The following TMCO4 variants were observed in gnomAD, a reference collection of about 807,000 sequenced individuals.
The protein encoded by TMCO4 is transmembrane and coiled-coil domain-containing protein 4.
In TMCO4, 58 loss-of-function variants were observed where a neutral mutation model predicts 64.7. The ratio of observed to expected loss-of-function variants is 0.90; its 90% CI spans 0.73 to 1.12. TMCO4 has a LOEUF of 1.12. Among genes scored for constraint, TMCO4 ranks in the 50% most tolerant of loss-of-function variants. The pLI is 0.00. For missense variants in TMCO4, 780 were observed against 825.9 expected, an observed-to-expected ratio of 0.94 and a Z score of 0.68; for synonymous variants, 325 against 346.1, an observed-to-expected ratio of 0.94 and a Z score of 0.68.
intron 3 of TMCO4, among the ~76,000 whole-genome samples, chr1:19,785,145 A>T (rs900501201): frequency 4.6e-5 from 7 of 150,962 alleles, no homozygotes. Context: ...TTCCCTGACC[A>T]TCACATCATC....
intron 14 of TMCO4, among the ~76,000 whole-genome samples, chr1:19,700,556 A>G (rs10917520): frequency 6.6e-6 from 1 of 151,812 alleles, no homozygotes; most frequent in Non-Finnish European, 1.5e-5. Context: ...CTCAGAATCC[A>G]CCCTTCTGTC....
Position 19,725,203 on chromosome 1 carries a change from G to A in TMCO4, c.1264+12169C>T, listed in dbSNP as rs535004512. Among the ~76,000 whole-genome samples the A allele has an allele frequency of 2.1e-4, 32 of 152,316 alleles. 1 individual carries two copies. The South Asian group carries it at 3.9e-3, about 19-fold the overall frequency. ...TAGGGCCCAGAGTGAAGCAGGTCCT[G>A]CAGCCTCTATGGTGCTGAATGAAGA... On this transcript the variant is annotated intron_variant, in intron 13 of 15. Coordinates refer to ENST00000294543, the MANE Select transcript of TMCO4 (RefSeq NM_181719.7).
intron 10 of TMCO4, among the ~76,000 whole-genome samples, chr1:19,741,576 C>A (rs779943896): frequency 6.6e-6 from 1 of 152,096 alleles, no homozygotes; most frequent in African/African-American, 2.4e-5. Context: ...ACCACTGTAG[C>A]GGCCGATGCC....
chr1:19,719,505 A>G (rs915982804), intron 13 of TMCO4, among the ~76,000 whole-genome samples: 1 of 152,162 alleles, frequency 6.6e-6, no homozygotes, highest in African/African-American at 2.4e-5. Context: ...ATTACTTGTG[A>G]GCCATTCTGC....
chr1:19,739,933 G>A lies in TMCO4; in HGVS notation c.1070C>T (p.Ala357Val). Residue 357 changes from alanine to valine, a missense_variant, in exon 12 of 16, where the codon GCC (alanine) becomes GTC (valine). Physicochemically the swap from Ala to Val is moderately conservative, Grantham distance 64. Coordinates refer to ENST00000294543, the MANE Select transcript of TMCO4 (RefSeq NM_181719.7). ...SGIVAALTWPASLLSVANVID... is the reference protein window; with the variant it reads ...SGIVAALTWPVSLLSVANVID... ...GACATTGGCGACACTGAGGAGTGAG[G>A]CTGGCCAGGTCAGGGCAGCCACAAT... 4.3e-6 allele frequency: 7 copies of A among 1,613,814 alleles called. No homozygotes were observed. The highest frequency in any genetic ancestry group is 5.9e-6 in the Non-Finnish European group (7 of 1,179,896).
At chr1:19,779,736 T>C (rs553219843) in intron 4 of TMCO4, among the ~76,000 whole-genome samples, 1 of 152,228 alleles carries the variant, frequency 6.6e-6, no homozygotes, top group Non-Finnish European at 1.5e-5. Flanking sequence ...CAGGGCCATG[T>C]GCTACACCCA....
chr1:19,699,486 CAT>C (rs10587817), intron 14 of TMCO4, among the ~76,000 whole-genome samples: 13,897 of 136,156 alleles, frequency 0.1, 705 homozygotes, highest in East Asian at 0.19. Flanking sequence ...TTTTCATATA[CAT>C]ATATATATAT....
chr1:19,745,722 T>G, intron 9 of TMCO4, 71 bp from the exon 10 acceptor site: 1 of 1,537,218 alleles, frequency 6.5e-7, no homozygotes, highest in Non-Finnish European at 8.8e-7. Flanking sequence ...TGGCTGTATG[T>G]TCTCACACAT....
chr1:19,737,265 A>G, intron 13 of TMCO4, 107 bp downstream of exon 13: 1 of 1,105,578 alleles, frequency 9.0e-7, no homozygotes, highest in Non-Finnish European at 1.3e-6. Flanking sequence ...ATTATTTCTA[A>G]GAACTGGGAA....
intron 14 of TMCO4, among the ~76,000 whole-genome samples, chr1:19,699,433 C>T (rs1430659513): frequency 6.6e-6 from 1 of 150,566 alleles, no homozygotes; most frequent in Admixed American, 6.7e-5. Context: ...AAGATTTTAA[C>T]CTAGGACTGT....
At position 19,734,601 on chromosome 1, in the gene TMCO4, C is replaced by T. The variant is rs1290007109; in HGVS notation, c.1264+2771G>A. 6.6e-6 allele frequency among the ~76,000 whole-genome samples: 1 copy of T among 152,136 alleles called. No homozygotes were observed. Among genetic ancestry groups the T allele is most frequent in the Non-Finnish European group, 1.5e-5 (1 of 68,006 alleles). ...CCTATTAGCATTTCCCACCAACCCA[C>T]CTGGGGGGCCTCTTACGTGGGCTGC... On this transcript the variant is annotated intron_variant, in intron 13 of 15. Coordinates refer to ENST00000294543, the MANE Select transcript of TMCO4 (RefSeq NM_181719.7). The surrounding 1 kb of genome is among the most constrained non-coding windows in gnomAD (Gnocchi z 4.4).
chr1:19,721,247 C>G (rs904034346), intron 13 of TMCO4, among the ~76,000 whole-genome samples: 4 of 152,194 alleles, frequency 2.6e-5, no homozygotes, highest in African/African-American at 9.7e-5. Context: ...CATCAGGGCT[C>G]ACTGTGAGGG....
At position 19,734,231 on chromosome 1, in the gene TMCO4, G is replaced by A. The variant is rs2095442976; in HGVS notation, c.1264+3141C>T. On this transcript the variant is annotated intron_variant, in intron 13 of 15. Coordinates refer to ENST00000294543, the MANE Select transcript of TMCO4 (RefSeq NM_181719.7). This position sits in a 1 kb window ranked among gnomAD's most constrained non-coding sequence, Gnocchi z 4.4. ...GTGAGGTGGAGAGAGGCGGGGGAAG[G>A]TGCTGAAGGCAGATCATGAGTGGGG... 6.6e-6 allele frequency among the ~76,000 whole-genome samples: 1 copy of A among 152,146 alleles called. No homozygotes were observed. The highest frequency in any genetic ancestry group is 2.1e-4 in the South Asian group (1 of 4,828).
At position 19,682,701 on chromosome 1, in the gene TMCO4, G is replaced by A. The variant is rs1392322346; in HGVS notation, c.*339C>T. Reference sequence around the variant, plus strand: ...AGCCCTCGGGACCTCCTGATGGACAGCCAGACTCCAAAGCTATGAGAAGTA... The same window carrying A: ...AGCCCTCGGGACCTCCTGATGGACAACCAGACTCCAAAGCTATGAGAAGTA... On this transcript the variant is annotated 3_prime_UTR_variant, in exon 16 of 16. Coordinates refer to ENST00000294543, the MANE Select transcript of TMCO4 (RefSeq NM_181719.7). The A allele has an allele frequency of 1.4e-6, 1 of 717,716 alleles. No homozygotes were observed. 44.5% of individuals were successfully genotyped at this position (717,716 alleles called of 1,614,324 possible).
intron 4 of TMCO4, among the ~76,000 whole-genome samples, chr1:19,773,026 C>T (rs563533074): frequency 6.6e-6 from 1 of 152,216 alleles, no homozygotes; most frequent in Non-Finnish European, 1.5e-5. Context: ...CCCGCCTCTA[C>T]TAAAAGTACA....
intron 13 of TMCO4, among the ~76,000 whole-genome samples, chr1:19,708,225 A>G (rs2095312133): frequency 6.6e-6 from 1 of 151,808 alleles, no homozygotes; most frequent in Admixed American, 6.6e-5. Flanking sequence ...AGAAGAGGAA[A>G]CAGAAAGTTC....
chr1:19,749,945 G>A (rs1248499291), intron 7 of TMCO4: 1 of 152,154 alleles, frequency 6.6e-6, no homozygotes, highest in African/African-American at 2.4e-5. Flanking sequence ...TAATACCTTT[G>A]TGACTATGCA....
At position 19,740,828 on chromosome 1, in the gene TMCO4, C is replaced by A; in HGVS notation, c.991G>T (p.Gly331Cys). 1 of 1,614,108 alleles carries A rather than the reference C, an allele frequency of 6.2e-7. No homozygotes were observed. The part of the protein sequence containing the change: ...LGNALETILS[G>C]LANMVAQEAL... ...TCCTGGGCCACCATGTTGGCGAGAC[C>A]ACTGAGGATGGTCTCCAGGGCATTG... Residue 331 changes from glycine to cysteine, a missense_variant, in exon 11 of 16, where the codon GGT (glycine) becomes TGT (cysteine). Physicochemically the swap from Gly to Cys is radical, Grantham distance 159 (BLOSUM62 -3). Transcript: ENST00000294543.
At chr1:19,692,775 T>C (rs2095206492) in intron 15 of TMCO4, among the ~76,000 whole-genome samples, 1 of 150,382 alleles carries the variant, frequency 6.6e-6, no homozygotes. Context: ...AATAAATAAA[T>C]AGGCTTAGGG....
Sources: allele counts gnomAD v4.1 joint callset (sites outside exome capture counted in the v4.1 genomes callset), GRCh38; gene constraint gnomAD v4.1.1; non-coding constraint Gnocchi (gnomAD v3.1); transcripts MANE v1.5; gene names NCBI Gene and HGNC (gene_info 2026-07-23, HGNC 2026-07-21).